Variants in MYRIP observed in about 807,000 individuals in gnomAD.
MYRIP encodes myosin VIIA and Rab interacting protein.
A neutral mutation model predicts 98.0 loss-of-function variants in MYRIP; 49 were observed. The ratio of observed to expected loss-of-function variants is 0.50; its 90% CI spans 0.40 to 0.63. The LOEUF (loss-of-function observed/expected upper bound fraction) is 0.63, where lower values mean the gene tolerates loss of function less well. Ranked by LOEUF, MYRIP falls within the 30% of genes least tolerant of loss-of-function variation. The probability of loss-of-function intolerance (pLI) is 0.00; values close to 1 mark genes in which losing one functional copy is unlikely to be tolerated. For missense variants in MYRIP, 1,004 were observed against 1,058.2 expected (o/e 0.95, Z 0.71); for synonymous variants, 404 against 409.5 (o/e 0.99, Z 0.16).
At chr3:40,204,197 A>T (rs866256486) in intron 10 of MYRIP, among the ~76,000 whole-genome samples, 1 of 31,268 alleles carries the variant, frequency 3.2e-5, no homozygotes, top group Non-Finnish European at 6.1e-5. Context: ...TATAAATATT[A>T]TATTATATAT....
intron 2 of MYRIP, among the ~76,000 whole-genome samples, chr3:40,017,293 A>G (rs1453052906): frequency 6.6e-6 from 1 of 152,208 alleles, no homozygotes; most frequent in Non-Finnish European, 1.5e-5. Context: ...CAGTTCTCCA[A>G]ATGACCACTA....
At chr3:39,977,392 G>A (rs1289858048) in intron 2 of MYRIP, among the ~76,000 whole-genome samples, 2 of 152,128 alleles carry the variant, frequency 1.3e-5, no homozygotes, top group African/African-American at 4.8e-5. Context: ...AAATTCACAT[G>A]CCCCCCAGTT....
Position 40,241,490 on chromosome 3 carries a change from A to G in MYRIP, c.2101-2956A>G, listed in dbSNP as rs564923339. The stretch of plus-strand genomic sequence containing the variant: ...AGTATAATTCATGGAAGCCACATCC[A>G]ACAAGATGCTCTAAGGTCAAATAAG... On this transcript the variant is annotated intron_variant, in intron 12 of 16. Coordinates refer to ENST00000302541, the MANE Select transcript of MYRIP (RefSeq NM_015460.4). Among the ~76,000 whole-genome samples, 9 of 152,252 alleles carry G rather than the reference A, an allele frequency of 5.9e-5. No homozygotes were observed. The East Asian group carries it at 1.7e-3, about 29-fold the overall frequency.
intron 2 of MYRIP, among the ~76,000 whole-genome samples, chr3:39,922,284 A>G (rs932723377): frequency 6.6e-6 from 1 of 152,256 alleles, no homozygotes; most frequent in Non-Finnish European, 1.5e-5. Flanking sequence ...AACAAGACAG[A>G]CAATTTTTAC....
intron 2 of MYRIP, among the ~76,000 whole-genome samples, chr3:39,930,470 A>C (rs1171001525): frequency 6.6e-6 from 1 of 152,018 alleles, no homozygotes; most frequent in East Asian, 1.9e-4. Context: ...ATGATTTGTG[A>C]GTATTTTCTC....
At chr3:40,252,142 T>TG (rs1953395951) in intron 16 of MYRIP, 143 bp downstream of exon 16, 9 of 663,094 alleles carry the variant, frequency 1.4e-5, no homozygotes, top group South Asian at 2.0e-5. Context: ...TGGATTTGAC[T>TG]GGGGGGTGGA....
chr3:39,809,361 G>T (rs894691348), upstream of MYRIP, among the ~76,000 whole-genome samples: 12 of 149,934 alleles, frequency 8.0e-5, no homozygotes, highest in Admixed American at 8.0e-4. Context: ...CCCCGGGCGC[G>T]CGCAGCCCTG....
intron 3 of MYRIP, among the ~76,000 whole-genome samples, chr3:40,047,513 G>A (rs926810277): frequency 6.6e-6 from 1 of 152,194 alleles, no homozygotes; most frequent in Admixed American, 6.5e-5. Context: ...ACCCACACTT[G>A]TTTAATCAAA....
At chr3:40,228,092 A>T (rs546078338) in intron 11 of MYRIP, among the ~76,000 whole-genome samples, 1 of 152,128 alleles carries the variant, frequency 6.6e-6, no homozygotes, top group South Asian at 2.1e-4. Context: ...TCTGCCATGT[A>T]TTCATGAACA....
intron 2 of MYRIP, among the ~76,000 whole-genome samples, chr3:40,028,825 T>C (rs1245492674): frequency 6.6e-6 from 1 of 152,172 alleles, no homozygotes; most frequent in Non-Finnish European, 1.5e-5. Flanking sequence ...TTCCATGAGA[T>C]ACTACAGGGC....
intron 2 of MYRIP, among the ~76,000 whole-genome samples, chr3:40,017,693 CTTTTTTTTT>C (rs904657247): frequency 2.6e-5 from 3 of 114,750 alleles, no homozygotes; most frequent in African/African-American, 6.6e-5. Context: ...TAATTTACTT[CTTTTTTTTT>C]TTTTTTTTTT....
intron 2 of MYRIP, among the ~76,000 whole-genome samples, chr3:39,950,212 A>G (rs993388512): frequency 6.6e-6 from 1 of 152,194 alleles, no homozygotes; most frequent in African/African-American, 2.4e-5. Context: ...AGTACTTTGC[A>G]CATGATAGGC....
intron 4 of MYRIP, among the ~76,000 whole-genome samples, chr3:40,152,831 G>T (rs934923951): frequency 7.9e-5 from 12 of 152,028 alleles, no homozygotes; most frequent in African/African-American, 2.9e-4. Flanking sequence ...AAAGCATTTT[G>T]TGGGGCCAGG....
intron 16 of MYRIP, among the ~76,000 whole-genome samples, chr3:40,254,973 T>C (rs1953527165): frequency 6.6e-6 from 1 of 152,216 alleles, no homozygotes; most frequent in Non-Finnish European, 1.5e-5. Context: ...CCCTGTCTCA[T>C]GAGGATAGAA....
At chr3:40,198,424 T>C (rs1026346875) in intron 10 of MYRIP, among the ~76,000 whole-genome samples, 1 of 152,172 alleles carries the variant, frequency 6.6e-6, no homozygotes, top group African/African-American at 2.4e-5. Flanking sequence ...TTAGAAAAGG[T>C]AGAGAGTGAA....
chr3:39,845,852 C>CAAAAA (rs3062461), intron 1 of MYRIP, among the ~76,000 whole-genome samples: 12 of 96,922 alleles, frequency 1.2e-4, no homozygotes, highest in East Asian at 2.7e-4. Flanking sequence ...TTTCCCCTAC[C>CAAAAA]AAAAAAAAAA....
In MYRIP at chr3:40,216,506, A is replaced by G. The variant is rs116370839; in HGVS notation, c.1905+6413A>G. 2.1e-3 allele frequency among the ~76,000 whole-genome samples: 315 copies of G among 152,348 alleles called. 3 individuals carry two copies. The highest frequency in any genetic ancestry group is 7.1e-3 in the African/African-American group (296 of 41,582). Reference sequence around the variant, plus strand: ...CTATAAACGGAAATGCCAAAATCCTAAAGAAAATACTAGCAAACTAAATTC... The same window carrying G: ...CTATAAACGGAAATGCCAAAATCCTGAAGAAAATACTAGCAAACTAAATTC... On this transcript the variant is annotated intron_variant, in intron 11 of 16. Transcript: ENST00000302541.
intron 2 of MYRIP, among the ~76,000 whole-genome samples, chr3:39,961,681 A>G (rs949055457): frequency 5.3e-5 from 8 of 152,106 alleles, no homozygotes; most frequent in African/African-American, 1.9e-4. Context: ...ACTAGTCGAG[A>G]TATCTAATGT....
chr3:39,893,026 A>C (rs2125661687), intron 1 of MYRIP, among the ~76,000 whole-genome samples: 1 of 152,302 alleles, frequency 6.6e-6, no homozygotes, highest in Non-Finnish European at 1.5e-5. Flanking sequence ...TTCCTATCTC[A>C]GCTGATGTTA....
Sources: allele counts gnomAD v4.1 joint callset (sites outside exome capture counted in the v4.1 genomes callset), GRCh38; gene constraint gnomAD v4.1.1; transcripts MANE v1.5; gene names NCBI Gene and HGNC (gene_info 2026-07-23, HGNC 2026-07-21).